Variants in SSBP3 observed in about 807,000 individuals in gnomAD.
The protein encoded by SSBP3 is single stranded DNA binding protein 3, also known as single-stranded DNA-binding protein 3.
SSBP3 carries 5 observed loss-of-function variants against 69.6 expected under a neutral mutation model. That is an observed-to-expected ratio of 0.07 (90% CI 0.04 to 0.15). SSBP3 has a LOEUF of 0.15. SSBP3 is among the 10% of genes least tolerant of loss of function. The pLI, the probability that SSBP3 is intolerant of heterozygous loss-of-function variation, is 1.00. For missense variants in SSBP3, 312 were observed against 534.0 expected (o/e 0.58, Z 4.10); for synonymous variants, 196 against 193.4 (o/e 1.01, Z -0.11).
chr1:54,345,770 C>T (rs1386256828), intron 4 of SSBP3, among the ~76,000 whole-genome samples: 4 of 151,806 alleles, frequency 2.6e-5, no homozygotes, highest in Admixed American at 1.3e-4. Context: ...ATCCTGGAGG[C>T]TGAGGCGGGC....
intron 4 of SSBP3, among the ~76,000 whole-genome samples, chr1:54,296,972 A>T (rs1645714556): frequency 6.6e-6 from 1 of 152,250 alleles, no homozygotes; most frequent in African/African-American, 2.4e-5. Flanking sequence ...AATCCTCCCA[A>T]CAATCTCCTG....
intron 4 of SSBP3, among the ~76,000 whole-genome samples, chr1:54,326,762 C>T (rs949292159): frequency 6.6e-6 from 1 of 152,138 alleles, no homozygotes; most frequent in Non-Finnish European, 1.5e-5. Flanking sequence ...CCATCATTTC[C>T]GTGTCTCCCC....
At chr1:54,407,200 G>A (rs1424352406), upstream of SSBP3, among the ~76,000 whole-genome samples, 1 of 152,194 alleles carries the variant, frequency 6.6e-6, no homozygotes, top group African/African-American at 2.4e-5. Context: ...AGAGGAGGGA[G>A]AGTGATTTCT....
chr1:54,278,103 C>T (rs550298734), intron 5 of SSBP3, among the ~76,000 whole-genome samples: 13 of 152,276 alleles, frequency 8.5e-5, no homozygotes, highest in South Asian at 2.1e-4. Flanking sequence ...AGCAAGTATG[C>T]GGCCAAGTCC....
chr1:54,318,641 G>C (rs1011516406), intron 4 of SSBP3, among the ~76,000 whole-genome samples: 2 of 152,128 alleles, frequency 1.3e-5, no homozygotes, highest in Non-Finnish European at 2.9e-5. Context: ...GGCACAGGCT[G>C]TAAGGAACAG....
chr1:54,384,153 G>A (rs948108060), intron 4 of SSBP3, among the ~76,000 whole-genome samples: 2 of 150,300 alleles, frequency 1.3e-5, no homozygotes, highest in African/African-American at 2.4e-5. Flanking sequence ...GAACAGTCAC[G>A]GGGCTTCTAG....
At chr1:54,369,316 G>C (rs922994106) in intron 4 of SSBP3, among the ~76,000 whole-genome samples, 1 of 144,038 alleles carries the variant, frequency 6.9e-6, no homozygotes, top group Non-Finnish European at 1.5e-5. Context: ...CGGGGGTGGG[G>C]GGGCACAAAC....
intron 4 of SSBP3, among the ~76,000 whole-genome samples, chr1:54,290,887 G>T (rs1645593393): frequency 6.6e-6 from 1 of 152,300 alleles, no homozygotes; most frequent in Admixed American, 6.5e-5. Context: ...TTCTTAAAGA[G>T]AAATGAGCTT....
intron 4 of SSBP3, among the ~76,000 whole-genome samples, chr1:54,316,396 T>C (rs1220539761): frequency 5.4e-5 from 8 of 148,196 alleles, no homozygotes; most frequent in Admixed American, 5.4e-4. Flanking sequence ...TCCCAGCACT[T>C]TGGGAGGCCG....
intron 4 of SSBP3, among the ~76,000 whole-genome samples, chr1:54,383,554 T>C (rs1026537214): frequency 1.3e-5 from 2 of 152,180 alleles, no homozygotes; most frequent in African/African-American, 4.8e-5. Flanking sequence ...TATCCTTGGC[T>C]AAGCAAACAC....
intron 14 of SSBP3, among the ~76,000 whole-genome samples, chr1:54,233,540 G>A (rs1644425903): frequency 6.8e-6 from 1 of 147,326 alleles, no homozygotes; most frequent in South Asian, 2.1e-4. Context: ...GGGAGGTGGG[G>A]GGGGTAAGCC....
upstream of SSBP3, among the ~76,000 whole-genome samples, chr1:54,406,628 C>T (rs1021470671): frequency 5.3e-5 from 8 of 152,006 alleles, no homozygotes; most frequent in African/African-American, 1.9e-4. Context: ...GCCTCTCTTT[C>T]TGTCGCCGGG....
chr1:54,240,079 TGTGTGTGTGCGCGC>T (rs1328481016), intron 13 of SSBP3, among the ~76,000 whole-genome samples: 1,433 of 32,728 alleles, frequency 0.044, 29 homozygotes, highest in African/African-American at 0.16. Flanking sequence ...TGTGTGTGTG[TGTGTGTGTGCGCGC>T]GCGCGCGTGT....
At chr1:54,294,017 G>A (rs569118944) in intron 4 of SSBP3, among the ~76,000 whole-genome samples, 25 of 151,514 alleles carry the variant, frequency 1.7e-4, no homozygotes, top group Non-Finnish European at 3.1e-4. Flanking sequence ...GTGGGCGCCT[G>A]TAATCCCAGC....
At chr1:54,320,192 G>A (rs572853757) in intron 4 of SSBP3, among the ~76,000 whole-genome samples, 75 of 152,132 alleles carry the variant, frequency 4.9e-4, no homozygotes, top group Non-Finnish European at 9.4e-4. Context: ...AAAGTGAAAG[G>A]GAAGCCAGTT....
intron 7 of SSBP3, chr1:54,255,669 T>C (rs1644908751): frequency 6.6e-6 from 1 of 152,172 alleles, no homozygotes; most frequent in Non-Finnish European, 1.5e-5. Context: ...CTAATTCCTC[T>C]TGTCCAAATT....
intron 4 of SSBP3, among the ~76,000 whole-genome samples, chr1:54,345,996 AAAAC>A (rs1001663101): frequency 1.3e-5 from 2 of 151,550 alleles, no homozygotes; most frequent in African/African-American, 4.8e-5. Flanking sequence ...CAAAAAAAAA[AAAAC>A]AAAACAAAAA....
intron 4 of SSBP3, among the ~76,000 whole-genome samples, chr1:54,311,983 A>ATCCACCGGCTGATTTGCC (rs1331124361): frequency 9.2e-5 from 14 of 152,296 alleles, no homozygotes; most frequent in African/African-American, 3.4e-4. Context: ...TCTCTCCAGC[A>ATCCACCGGCTGATTTGCC]TCCACCGGCT....
intron 9 of SSBP3, 103 bp downstream of exon 9, chr1:54,251,513 G>T: frequency 3.9e-6 from 5 of 1,267,640 alleles, no homozygotes; most frequent in Middle Eastern, 5.0e-4. Context: ...TCTCACCCCT[G>T]CGAACTGAGA....
Sources: gnomAD v4.1 joint callset for allele counts (sites outside exome capture counted in the v4.1 genomes callset) on GRCh38, gnomAD v4.1.1 for gene constraint, MANE v1.5 for transcripts, NCBI Gene and HGNC (gene_info 2026-07-23, HGNC 2026-07-21) for gene names.